DENND5A: variants seen among roughly 807,000 people sequenced by gnomAD.
DENND5A encodes the protein DENN domain-containing protein 5A.
In DENND5A, 64 loss-of-function variants were observed where a neutral mutation model predicts 140.3. That is an observed-to-expected ratio of 0.46 (90% CI 0.37 to 0.56). The LOEUF is 0.56. Ranked by LOEUF, DENND5A falls within the 20% of genes least tolerant of loss-of-function variation. The pLI is 0.00. For synonymous variants in DENND5A, 605 were observed against 607.7 expected, an observed-to-expected ratio of 1.00 and a Z score of 0.07; for missense variants, 1,292 against 1,593.8, an observed-to-expected ratio of 0.81 and a Z score of 3.22.
At chr11:9,230,852 G>C (rs1850741027) in intron 1 of DENND5A, among the ~76,000 whole-genome samples, 1 of 152,026 alleles carries the variant, frequency 6.6e-6, no homozygotes, top group South Asian at 2.1e-4. Context: ...AATTAGGCAT[G>C]GTGGCACACA....
At chr11:9,262,740 A>ATT (rs56033458) in intron 1 of DENND5A, among the ~76,000 whole-genome samples, 1,615 of 149,272 alleles carry the variant, frequency 0.011, 15 homozygotes, top group Non-Finnish European at 0.018. Context: ...CATCAAAATA[A>ATT]TTTTTTTTTT....
intron 1 of DENND5A, among the ~76,000 whole-genome samples, chr11:9,211,171 C>A (rs569339405): frequency 2.0e-4 from 30 of 152,150 alleles, no homozygotes; most frequent in Non-Finnish European, 3.2e-4. Flanking sequence ...CATAATCTTA[C>A]TAGCTTAAGA....
At chr11:9,223,518 C>A (rs1480888170) in intron 1 of DENND5A, among the ~76,000 whole-genome samples, 1 of 151,836 alleles carries the variant, frequency 6.6e-6, no homozygotes, top group Non-Finnish European at 1.5e-5. Flanking sequence ...CCAGCCTGGG[C>A]AACAGAGCGA....
chr11:9,154,263 GGTTAA>G (rs1352750463), intron 12 of DENND5A, among the ~76,000 whole-genome samples: 2 of 152,144 alleles, frequency 1.3e-5, no homozygotes, highest in Non-Finnish European at 2.9e-5. Context: ...GGATCGGAAA[GGTTAA>G]GTTAACTTGT....
At chr11:9,254,159 A>G (rs933444779) in intron 1 of DENND5A, among the ~76,000 whole-genome samples, 16 of 22,954 alleles carry the variant, frequency 7.0e-4, no homozygotes, top group Admixed American at 1.7e-3. Context: ...TCTGTCTCAG[A>G]AAAAAAAAAA....
intron 5 of DENND5A, among the ~76,000 whole-genome samples, chr11:9,192,627 C>CA (rs759596694): frequency 0.2 from 20,458 of 101,618 alleles, 1,785 homozygotes; most frequent in Middle Eastern, 0.27. Context: ...GACTTCGTCT[C>CA]AAAAAAAAAA....
At chr11:9,233,444 C>G (rs537941876) in intron 1 of DENND5A, among the ~76,000 whole-genome samples, 1 of 151,836 alleles carries the variant, frequency 6.6e-6, no homozygotes, top group East Asian at 1.9e-4. Flanking sequence ...CCTTTAGACC[C>G]TCTGGAGTGG....
At chr11:9,216,306 C>T (rs1442703937) in intron 1 of DENND5A, among the ~76,000 whole-genome samples, 1 of 152,178 alleles carries the variant, frequency 6.6e-6, no homozygotes. Context: ...GGGAATCCCA[C>T]CTTTTAAACT....
chr11:9,203,412 G>C, intron 4 of DENND5A: 1 of 409,056 alleles, frequency 2.4e-6, no homozygotes, highest in Non-Finnish European at 4.4e-6. Context: ...ACTTCAATCA[G>C]AAGGGACATA....
chr11:9,201,071 A>C (rs1849504488), intron 4 of DENND5A, among the ~76,000 whole-genome samples: 1 of 152,206 alleles, frequency 6.6e-6, no homozygotes, highest in Admixed American at 6.5e-5. Context: ...AAAATCTATG[A>C]ATCCATACAA....
intron 1 of DENND5A, among the ~76,000 whole-genome samples, chr11:9,263,363 G>A (rs1017349662): frequency 6.6e-6 from 1 of 151,542 alleles, no homozygotes; most frequent in African/African-American, 2.4e-5. Flanking sequence ...TGGGATTACA[G>A]GCACGCGCCA....
chr11:9,249,844 C>T (rs1388793946), intron 1 of DENND5A, among the ~76,000 whole-genome samples: 1 of 152,032 alleles, frequency 6.6e-6, no homozygotes, highest in Non-Finnish European at 1.5e-5. Context: ...GCCACCGTGC[C>T]CGGCCTCATT....
chr11:9,207,060 A>G, intron 2 of DENND5A: 1 of 470,088 alleles, frequency 2.1e-6, no homozygotes, highest in South Asian at 2.5e-5. Flanking sequence ...TTCATGGGAG[A>G]GAGTGAGAAA....
intron 4 of DENND5A, among the ~76,000 whole-genome samples, chr11:9,197,063 G>C (rs942053147): frequency 7.3e-5 from 11 of 151,684 alleles, no homozygotes; most frequent in African/African-American, 2.7e-4. Flanking sequence ...CTAGCACCTT[G>C]GCAGGCCAAG....
chr11:9,187,788 C>A (rs1295719647), intron 5 of DENND5A, among the ~76,000 whole-genome samples: 2 of 152,202 alleles, frequency 1.3e-5, no homozygotes, highest in Non-Finnish European at 2.9e-5. Flanking sequence ...GGATGCCTCA[C>A]AAAGGCAGCT....
intron 1 of DENND5A, among the ~76,000 whole-genome samples, chr11:9,260,481 C>A (rs1396025410): frequency 2.0e-5 from 3 of 152,132 alleles, no homozygotes; most frequent in Non-Finnish European, 4.4e-5. Flanking sequence ...TCCCCACTTA[C>A]GATGTGCCAA....
intron 9 of DENND5A, chr11:9,170,231 G>C (rs1848325565): frequency 1.0e-6 from 1 of 969,410 alleles, no homozygotes; most frequent in Non-Finnish European, 1.2e-6. Flanking sequence ...TCTGGGCTTT[G>C]ATACAGTCAT....
At chr11:9,244,823 C>T (rs1412154126) in intron 1 of DENND5A, among the ~76,000 whole-genome samples, 1 of 152,048 alleles carries the variant, frequency 6.6e-6, no homozygotes, top group South Asian at 2.1e-4. Context: ...TACAGGCACA[C>T]GCAACCCAGA....
Position 9,182,914 on chromosome 11 carries a change from G to A in DENND5A, c.1138-1830C>T, listed in dbSNP as rs76429319. On this transcript the variant is annotated intron_variant, in intron 5 of 22. Transcript: ENST00000328194. Reference sequence around the variant, plus strand: ...GTAGCTAGAAAAGAGGATTCTGAATGTTACCAATATAAATAAATAAAAAAG... The same window carrying A: ...GTAGCTAGAAAAGAGGATTCTGAATATTACCAATATAAATAAATAAAAAAG... 4.9e-3 allele frequency among the ~76,000 whole-genome samples: 742 copies of A among 152,188 alleles called. 8 individuals carry two copies. The highest frequency in any genetic ancestry group is 0.017 in the African/African-American group (704 of 41,514).
Sources: gnomAD v4.1 joint callset for allele counts (sites outside exome capture counted in the v4.1 genomes callset) on GRCh38, gnomAD v4.1.1 for gene constraint, MANE v1.5 for transcripts, NCBI Gene and HGNC (gene_info 2026-07-23, HGNC 2026-07-21) for gene names.